The following AFTPH variants were observed in gnomAD, a reference collection of about 807,000 sequenced individuals.
AFTPH encodes aftiphilin.
Under a neutral mutation model 72.5 loss-of-function variants are expected in AFTPH, and 7 were observed. That is an observed-to-expected ratio of 0.10 (90% CI 0.05 to 0.18). AFTPH has a LOEUF of 0.18. AFTPH is among the 10% of genes least tolerant of loss of function. The pLI is 1.00. For missense variants in AFTPH, 979 were observed against 1,060.5 expected (o/e 0.92, Z 1.07); for synonymous variants, 337 against 370.1 (o/e 0.91, Z 1.03).
chr2:64,579,465 T>C, intron 6 of AFTPH, 21 bp from the exon 7 acceptor site: 2 of 1,609,836 alleles, frequency 1.2e-6, no homozygotes, highest in South Asian at 1.1e-5. Context: ...TTAATTTTGA[T>C]TTTTTGGTTT....
At chr2:64,571,219 A>AG (rs1229866985) in intron 5 of AFTPH, among the ~76,000 whole-genome samples, 1 of 151,842 alleles carries the variant, frequency 6.6e-6, no homozygotes, top group Non-Finnish European at 1.5e-5. Flanking sequence ...GTATATAAGA[A>AG]TCACTTGGAA....
At chr2:64,575,383 T>C (rs1163490783) in intron 6 of AFTPH, among the ~76,000 whole-genome samples, 7 of 152,108 alleles carry the variant, frequency 4.6e-5, no homozygotes, top group African/African-American at 1.7e-4. Flanking sequence ...CTCAGCACTT[T>C]GGGATGCCAA....
At chr2:64,531,983 A>G (rs1332827848) in intron 1 of AFTPH, among the ~76,000 whole-genome samples, 1 of 152,208 alleles carries the variant, frequency 6.6e-6, no homozygotes, top group Admixed American at 6.5e-5. Context: ...ACCTCTCAAT[A>G]TATTTTTCGT....
chr2:64,574,979 A>C (rs1362352684), intron 6 of AFTPH, among the ~76,000 whole-genome samples: 1 of 152,184 alleles, frequency 6.6e-6, no homozygotes, highest in Admixed American at 6.5e-5. Context: ...TGGTACATTC[A>C]TACTTGGTAC....
chr2:64,585,050 G>A (rs562439681), intron 7 of AFTPH, among the ~76,000 whole-genome samples: 1 of 152,150 alleles, frequency 6.6e-6, no homozygotes, highest in Non-Finnish European at 1.5e-5. Flanking sequence ...GAAAAATGGG[G>A]TGTCACATCA....
chr2:64,530,261 CTTG>C (rs1429717466), intron 1 of AFTPH, among the ~76,000 whole-genome samples: 3 of 152,210 alleles, frequency 2.0e-5, no homozygotes, highest in South Asian at 2.1e-4. Context: ...AAAATGAAGA[CTTG>C]TTGTAGTGTT....
chr2:64,567,846 G>C, intron 3 of AFTPH, 133 bp downstream of exon 3: 1 of 914,742 alleles, frequency 1.1e-6, no homozygotes, highest in Non-Finnish European at 1.6e-6. Context: ...TTTGAGACCA[G>C]CCTAGCCAAC....
exon 2 of AFTPH, chr2:64,551,831 A>C: frequency 6.2e-7 from 1 of 1,613,538 alleles, no homozygotes; most frequent in East Asian, 2.2e-5. Context: ...TTTCATCTGA[A>C]ATGTTAGCTA....
At chr2:64,553,183 T>C in exon 2 of AFTPH, 3 of 1,614,204 alleles carry the variant, frequency 1.9e-6, no homozygotes, top group South Asian at 2.2e-5. Flanking sequence ...AGCCAAGTTG[T>C]AGATTGGAAT....
At chr2:64,575,609 C>T (rs767924162) in intron 6 of AFTPH, among the ~76,000 whole-genome samples, 4 of 151,496 alleles carry the variant, frequency 2.6e-5, no homozygotes, top group Admixed American at 6.6e-5. Context: ...AGAGTAAAAC[C>T]CTGCCTCGAA....
intron 6 of AFTPH, among the ~76,000 whole-genome samples, chr2:64,578,079 A>C (rs1672931239): frequency 6.6e-6 from 1 of 152,186 alleles, no homozygotes; most frequent in Admixed American, 6.5e-5. Context: ...TACTTGGTTT[A>C]TACCTTGCTC....
exon 2 of AFTPH, chr2:64,552,376 A>C: frequency 5.0e-6 from 8 of 1,614,088 alleles, no homozygotes; most frequent in Non-Finnish European, 6.8e-6. Flanking sequence ...TGTGTTTCAG[A>C]AATAAGCATA....
At chr2:64,584,887 C>T (rs999102615) in intron 7 of AFTPH, among the ~76,000 whole-genome samples, 19 of 152,106 alleles carry the variant, frequency 1.2e-4, no homozygotes, top group Admixed American at 2.6e-4. Context: ...TGAGCCACCG[C>T]GCCTGGCCAG....
intron 5 of AFTPH, among the ~76,000 whole-genome samples, chr2:64,572,513 A>G (rs1188238729): frequency 6.6e-6 from 1 of 152,120 alleles, no homozygotes; most frequent in African/African-American, 2.4e-5. Flanking sequence ...TAGAGGTTAG[A>G]TGTGACATAT....
chr2:64,592,115 T>TAAAAA (rs35699964), exon 9 of AFTPH: 1,295 of 845,492 alleles, frequency 1.5e-3, no homozygotes, highest in Middle Eastern at 3.1e-3. Flanking sequence ...CTGCTCTAAT[T>TAAAAA]AAAAAAAAAA....
chr2:64,566,526 CT>C (rs1168529592), intron 2 of AFTPH, among the ~76,000 whole-genome samples: 1 of 151,986 alleles, frequency 6.6e-6, no homozygotes, highest in Non-Finnish European at 1.5e-5. Flanking sequence ...TGGCATTTTG[CT>C]TTTACAGTCT....
intron 7 of AFTPH, among the ~76,000 whole-genome samples, chr2:64,584,582 C>T (rs1380896340): frequency 2.0e-5 from 3 of 150,172 alleles, no homozygotes; most frequent in African/African-American, 7.4e-5. Flanking sequence ...TATGATTAGT[C>T]CTTAGTCATG....
chr2:64,560,601 G>C (rs1671663159), intron 2 of AFTPH, among the ~76,000 whole-genome samples: 1 of 152,146 alleles, frequency 6.6e-6, no homozygotes, highest in Non-Finnish European at 1.5e-5. Flanking sequence ...GGCCGGGCAT[G>C]GTGGCTCATG....
intron 2 of AFTPH, among the ~76,000 whole-genome samples, chr2:64,557,123 CTT>C (rs996127437): frequency 6.6e-6 from 1 of 151,436 alleles, no homozygotes; most frequent in Admixed American, 6.6e-5. Context: ...TTTTTTTTAA[CTT>C]TTTTGTTTCA....
Sources: gnomAD v4.1 joint callset for allele counts (sites outside exome capture counted in the v4.1 genomes callset) on GRCh38, gnomAD v4.1.1 for gene constraint, MANE v1.5 for transcripts, NCBI Gene and HGNC (gene_info 2026-07-23, HGNC 2026-07-21) for gene names.